The following THSD4 variants were observed in gnomAD, a reference collection of about 807,000 sequenced individuals.
The protein encoded by THSD4 is thrombospondin type 1 domain containing 4, also known as thrombospondin type-1 domain-containing protein 4.
In THSD4, 69 loss-of-function variants were observed where a neutral mutation model predicts 119.0. The observed-to-expected ratio is 0.58, with a 90% CI of 0.48 to 0.71. The LOEUF is 0.71. Among genes scored for constraint, THSD4 ranks in the 30% least tolerant of loss-of-function variants. THSD4 has a pLI of 0.00. For synonymous variants in THSD4, 524 were observed against 540.4 expected (o/e 0.97, Z 0.42); for missense variants, 1,393 against 1,391.1 (o/e 1.00, Z -0.02).
At chr15:71,599,645 G>A (rs1178387967) in intron 7 of THSD4, among the ~76,000 whole-genome samples, 1 of 152,148 alleles carries the variant, frequency 6.6e-6, no homozygotes, top group Non-Finnish European at 1.5e-5. Flanking sequence ...TGCTCCCCTG[G>A]CAAGGCCCTG....
intron 7 of THSD4, among the ~76,000 whole-genome samples, chr15:71,552,490 C>T (rs891770750): frequency 1.3e-5 from 2 of 152,138 alleles, no homozygotes; most frequent in African/African-American, 4.8e-5. Context: ...ATGACTATTT[C>T]GTGGTACACA....
At chr15:71,118,142 C>T (rs939084388) in intron 1 of THSD4, among the ~76,000 whole-genome samples, 3 of 151,838 alleles carry the variant, frequency 2.0e-5, no homozygotes, top group Non-Finnish European at 2.9e-5. Flanking sequence ...GGAAAGAGCT[C>T]GAGGAAAGAC....
At chr15:71,748,881 T>C (rs2053392500) in intron 14 of THSD4, among the ~76,000 whole-genome samples, 1 of 152,224 alleles carries the variant, frequency 6.6e-6, no homozygotes, top group African/African-American at 2.4e-5. Context: ...ATCGTTCATA[T>C]GTCTTGTAAG....
At chr15:71,673,309 G>T (rs897507610) in intron 8 of THSD4, among the ~76,000 whole-genome samples, 3 of 152,124 alleles carry the variant, frequency 2.0e-5, no homozygotes, top group African/African-American at 4.8e-5. Context: ...ATGGTAGTTT[G>T]TATTTCTGTG....
At chr15:71,607,416 G>A (rs1047574208) in intron 7 of THSD4, among the ~76,000 whole-genome samples, 1 of 152,244 alleles carries the variant, frequency 6.6e-6, no homozygotes, top group Non-Finnish European at 1.5e-5. Context: ...GTACTCCTTT[G>A]ACGAACTGCC....
chr15:71,549,416 A>T (rs1403387909), intron 7 of THSD4, among the ~76,000 whole-genome samples: 1 of 152,102 alleles, frequency 6.6e-6, no homozygotes, highest in Non-Finnish European at 1.5e-5. Context: ...AGAACGCCTG[A>T]GCTCCTAGGA....
intron 7 of THSD4, among the ~76,000 whole-genome samples, chr15:71,598,394 T>C (rs762101321): frequency 4.6e-5 from 7 of 152,082 alleles, no homozygotes; most frequent in Non-Finnish European, 7.4e-5. Flanking sequence ...TAGGCATTGA[T>C]GGGTACTGAG....
At chr15:71,328,647 C>T (rs1199625208) in intron 6 of THSD4, among the ~76,000 whole-genome samples, 2 of 152,160 alleles carry the variant, frequency 1.3e-5, no homozygotes, top group Non-Finnish European at 2.9e-5. Context: ...TTTTTTTAGA[C>T]TCTGAACCTT....
intron 6 of THSD4, among the ~76,000 whole-genome samples, chr15:71,309,045 G>A (rs1256547028): frequency 6.6e-6 from 1 of 152,146 alleles, no homozygotes; most frequent in Non-Finnish European, 1.5e-5. Flanking sequence ...CGCCTCCCAG[G>A]CCCAAGTGAT....
At chr15:71,492,687 C>A (rs2047940028) in intron 7 of THSD4, among the ~76,000 whole-genome samples, 1 of 152,104 alleles carries the variant, frequency 6.6e-6, no homozygotes, top group Non-Finnish European at 1.5e-5. Flanking sequence ...AGAAACATGG[C>A]AGTAAAGGAA....
intron 6 of THSD4, among the ~76,000 whole-genome samples, chr15:71,289,665 C>T (rs1395956700): frequency 6.6e-6 from 1 of 152,174 alleles, no homozygotes; most frequent in East Asian, 1.9e-4. Context: ...CTCTTTGGCT[C>T]AAAAGGCAAA....
intron 11 of THSD4, 64 bp from the exon 12 acceptor site, chr15:71,745,042 T>C: frequency 6.4e-7 from 1 of 1,558,492 alleles, no homozygotes; most frequent in Non-Finnish European, 8.7e-7. Context: ...TCTGTGCATC[T>C]CCACCCATAG....
At chr15:71,505,863 C>G (rs1307074013) in intron 7 of THSD4, among the ~76,000 whole-genome samples, 1 of 152,168 alleles carries the variant, frequency 6.6e-6, no homozygotes, top group East Asian at 1.9e-4. Flanking sequence ...GGCTGGTTCT[C>G]TTTGTATAAG....
chr15:71,601,757 G>A (rs779471073), intron 7 of THSD4, among the ~76,000 whole-genome samples: 17 of 152,176 alleles, frequency 1.1e-4, no homozygotes, highest in Admixed American at 1.3e-4. Flanking sequence ...GTTTGGTTGC[G>A]AGATCAGAAA....
intron 8 of THSD4, among the ~76,000 whole-genome samples, chr15:71,687,995 T>C (rs1208385891): frequency 6.6e-6 from 1 of 152,212 alleles, no homozygotes; most frequent in Non-Finnish European, 1.5e-5. Flanking sequence ...GCTTCAGTTA[T>C]AATCTCCTGT....
intron 3 of THSD4, among the ~76,000 whole-genome samples, chr15:71,180,276 A>G (rs561166709): frequency 2.1e-4 from 32 of 152,332 alleles, no homozygotes; most frequent in African/African-American, 7.2e-4. Flanking sequence ...TCCAGAGTAT[A>G]TAGAGAACTT....
At chr15:71,288,844 A>C (rs1156348702) in intron 6 of THSD4, among the ~76,000 whole-genome samples, 1 of 152,186 alleles carries the variant, frequency 6.6e-6, no homozygotes, top group East Asian at 1.9e-4. Flanking sequence ...GGCTTCTCTG[A>C]CAACAATACC....
intron 3 of THSD4, among the ~76,000 whole-genome samples, chr15:71,193,626 C>G (rs560760609): frequency 1.1e-4 from 17 of 152,138 alleles, no homozygotes; most frequent in Non-Finnish European, 2.1e-4. Context: ...GGGAGGGACC[C>G]GGTAGAGATC....
intron 7 of THSD4, among the ~76,000 whole-genome samples, chr15:71,501,611 C>T (rs776956280): frequency 2.4e-4 from 37 of 152,196 alleles, no homozygotes; most frequent in Non-Finnish European, 1.2e-4. Flanking sequence ...ATGGAATAAT[C>T]CAGTGTCCTC....
Sources: gnomAD v4.1 joint callset for allele counts (sites outside exome capture counted in the v4.1 genomes callset) on GRCh38, gnomAD v4.1.1 for gene constraint, MANE v1.5 for transcripts, NCBI Gene and HGNC (gene_info 2026-07-23, HGNC 2026-07-21) for gene names.